The following DAB1 variants were observed in gnomAD, a reference collection of about 807,000 sequenced individuals.
DAB1 encodes disabled homolog 1.
Under a neutral mutation model 64.6 loss-of-function variants are expected in DAB1, and 15 were observed. The observed-to-expected ratio is 0.23, with a 90% confidence interval of 0.16 to 0.36. DAB1 has a LOEUF of 0.36. Among genes scored for constraint, DAB1 ranks in the 10% least tolerant of loss-of-function variants. The pLI is 1.00. For synonymous variants in DAB1, 235 were observed against 251.9 expected (o/e 0.93, Z 0.64); for missense variants, 596 against 706.7 (o/e 0.84, Z 1.78).
rs540094937 is a variant in DAB1 at position 57,974,011 on chromosome 1, C to T, written n.388-89849G>A. ...CACCCAGTATGACCTGACCTTCTTC[C>T]CCCTCTCTGACTTTATTTCACCCCA... On this transcript the variant is annotated intron_variant and non_coding_transcript_variant, in intron 5 of 20. Coordinates refer to the DAB1 transcript ENST00000485760. 2.0e-5 allele frequency among the ~76,000 whole-genome samples: 3 copies of T among 152,184 alleles called. No individual in the cohort carries two copies. In the South Asian group the frequency reaches 6.2e-4, roughly 32 times the overall value.
intron 7 of DAB1, among the ~76,000 whole-genome samples, chr1:57,485,617 T>A (rs769980575): frequency 1.1e-4 from 16 of 152,188 alleles, no homozygotes; most frequent in Non-Finnish European, 1.8e-4. Flanking sequence ...TCTTTGCTCC[T>A]CTGTTAACCA....
chr1:58,120,792 A>G (rs1570378636), intron 5 of DAB1, among the ~76,000 whole-genome samples: 2 of 152,218 alleles, frequency 1.3e-5, no homozygotes, highest in African/African-American at 2.4e-5. Flanking sequence ...CGGCCACATC[A>G]AAACATAAGT....
intron 6 of DAB1, among the ~76,000 whole-genome samples, chr1:57,716,459 A>T (rs1392831570): frequency 2.0e-5 from 3 of 152,210 alleles, no homozygotes; most frequent in Non-Finnish European, 4.4e-5. Flanking sequence ...GCTGATTTTT[A>T]ACAAAGGTGC....
At chr1:57,432,816 T>C (rs1031945651) in intron 7 of DAB1, among the ~76,000 whole-genome samples, 4 of 152,216 alleles carry the variant, frequency 2.6e-5, no homozygotes, top group Non-Finnish European at 4.4e-5. Context: ...CAATGTAATA[T>C]GTAAAGCACT....
chr1:58,544,325 C>A (rs75462238), intron 1 of DAB1, among the ~76,000 whole-genome samples: 3,548 of 152,130 alleles, frequency 0.023, 56 homozygotes, highest in Middle Eastern at 0.037. Context: ...ATAATGGATG[C>A]TAGAGATACT....
intron 3 of DAB1, among the ~76,000 whole-genome samples, chr1:58,478,292 G>C (rs1049507185): frequency 6.6e-6 from 1 of 152,104 alleles, no homozygotes; most frequent in African/African-American, 2.4e-5. Flanking sequence ...AGCCTCCCCA[G>C]CCATGTAGAA....
At chr1:57,960,415 T>A (rs993632635) in intron 5 of DAB1, among the ~76,000 whole-genome samples, 1 of 151,276 alleles carries the variant, frequency 6.6e-6, no homozygotes, top group African/African-American at 2.4e-5. Context: ...TGGTACATTA[T>A]ACAAACTCAA....
intron 11 of DAB1, among the ~76,000 whole-genome samples, chr1:57,016,549 C>G (rs868726298): frequency 4.6e-5 from 7 of 151,822 alleles, no homozygotes; most frequent in Admixed American, 6.6e-5. Context: ...TATGATCACC[C>G]TACTGCACTT....
intron 7 of DAB1, among the ~76,000 whole-genome samples, chr1:57,644,156 T>G (rs1363598059): frequency 1.3e-5 from 2 of 152,116 alleles, no homozygotes; most frequent in Non-Finnish European, 2.9e-5. Flanking sequence ...GAAAAGCCTC[T>G]CTAGCATAGT....
intron 2 of DAB1, among the ~76,000 whole-genome samples, chr1:57,195,357 A>T (rs1664540267): frequency 6.6e-6 from 1 of 152,218 alleles, no homozygotes; most frequent in Admixed American, 6.6e-5. Context: ...CTTAACATAT[A>T]TTTGAGGAAC....
At chr1:58,045,573 A>C (rs1647222046) in intron 5 of DAB1, among the ~76,000 whole-genome samples, 1 of 152,186 alleles carries the variant, frequency 6.6e-6, no homozygotes, top group Non-Finnish European at 1.5e-5. Context: ...ACAGTAGATG[A>C]ATTCCTAACC....
intron 6 of DAB1, among the ~76,000 whole-genome samples, chr1:57,743,731 G>GAC (rs1227083164): frequency 2.6e-5 from 4 of 152,284 alleles, no homozygotes; most frequent in African/African-American, 9.6e-5. Context: ...AGGAATTAAA[G>GAC]ACACACACAC....
chr1:57,630,525 A>T (rs1036685883), intron 7 of DAB1, among the ~76,000 whole-genome samples: 2 of 152,182 alleles, frequency 1.3e-5, no homozygotes, highest in Non-Finnish European at 2.9e-5. Flanking sequence ...AGGGTTATCT[A>T]CTAAGAGATA....
chr1:57,682,095 A>G (rs1329291473), intron 6 of DAB1, among the ~76,000 whole-genome samples: 1 of 152,140 alleles, frequency 6.6e-6, no homozygotes, highest in African/African-American at 2.4e-5. Flanking sequence ...CAATAAAGTG[A>G]AAGATCATAA....
rs188676522 is a variant in DAB1 at position 57,999,504 on chromosome 1, T to C, written n.388-115342A>G. 3.7e-3 allele frequency among the ~76,000 whole-genome samples: 566 copies of C among 152,128 alleles called. 5 individuals are homozygous for C. The highest frequency in any genetic ancestry group is 0.012 in the African/African-American group (518 of 41,494). On this transcript the variant is annotated intron_variant and non_coding_transcript_variant, in intron 5 of 20. Transcript: ENST00000485760. ...ATCCCATAGCCAGGAAATAGTGGGG[T>C]GGGATTGGAGCTTGGGTCTGAGGAC...
At chr1:57,576,021 G>C (rs185751429) in intron 7 of DAB1, among the ~76,000 whole-genome samples, 1 of 152,178 alleles carries the variant, frequency 6.6e-6, no homozygotes, top group African/African-American at 2.4e-5. Flanking sequence ...ATTACAGGCA[G>C]TCCCCAACTT....
At position 58,409,075 on chromosome 1, in the gene DAB1, A is replaced by C. The variant is rs17117477; in HGVS notation, n.258-65672T>G. ...AAGAAAGAAAACGTTTTTCTCAGCT[A>C]TGTACTCTATATACAGCATCTCCTT... On this transcript the variant is annotated intron_variant and non_coding_transcript_variant, in intron 3 of 20. Coordinates refer to the DAB1 transcript ENST00000485760. 7.5e-3 allele frequency among the ~76,000 whole-genome samples: 1,150 copies of C among 152,342 alleles called. 12 individuals carry two copies. Among genetic ancestry groups the C allele is most frequent in the African/African-American group, 0.026 (1,078 of 41,582 alleles).
rs192553719 is a variant in DAB1 at position 57,496,099 on chromosome 1, A to G, written n.625+153493T>C. Among the ~76,000 whole-genome samples the G allele has an allele frequency of 3.9e-4, 59 of 152,336 alleles. No individual in the cohort carries two copies. In the East Asian group the frequency reaches 9.3e-3, roughly 24 times the overall value. On this transcript the variant is annotated intron_variant and non_coding_transcript_variant, in intron 7 of 20. Transcript: ENST00000485760. The stretch of plus-strand genomic sequence containing the variant: ...TTTAGTAAGAATTTGAAAAAATGTC[A>G]TTATGATGTAGATGATTTCAAGCAG...
chr1:58,058,590 A>C (rs1466750867), intron 5 of DAB1, among the ~76,000 whole-genome samples: 2 of 152,018 alleles, frequency 1.3e-5, no homozygotes, highest in Non-Finnish European at 2.9e-5. Flanking sequence ...GGGCTTCATC[A>C]CTCATAGCAA....
Sources: allele counts gnomAD v4.1 joint callset (sites outside exome capture counted in the v4.1 genomes callset), GRCh38; gene constraint gnomAD v4.1.1; transcripts MANE v1.5; gene names NCBI Gene and HGNC (gene_info 2026-07-23, HGNC 2026-07-21).